Variants in CTNNA3 observed in about 807,000 individuals in gnomAD.
CTNNA3 encodes the protein catenin alpha 3, also known as catenin alpha-3.
A neutral mutation model predicts 95.7 loss-of-function variants in CTNNA3; 76 were observed. The ratio of observed to expected loss-of-function variants is 0.79; its 90% confidence interval spans 0.66 to 0.96. The LOEUF is 0.96. CTNNA3 is among the 40% of genes least tolerant of loss of function. The probability of loss-of-function intolerance (pLI) is 0.00; values close to 1 mark genes in which losing one functional copy is unlikely to be tolerated. For missense variants in CTNNA3, 1,191 were observed against 1,089.8 expected (o/e 1.09, Z -1.31); for synonymous variants, 431 against 374.4 (o/e 1.15, Z -1.74).
At chr10:66,692,799 G>A (rs1847602153) in intron 9 of CTNNA3, among the ~76,000 whole-genome samples, 1 of 152,098 alleles carries the variant, frequency 6.6e-6, no homozygotes, top group African/African-American at 2.4e-5. Flanking sequence ...GAGAGTGGGG[G>A]CCAATATTCA....
intron 5 of CTNNA3, among the ~76,000 whole-genome samples, chr10:67,237,148 A>G (rs1253231693): frequency 1.3e-5 from 1 of 76,262 alleles, no homozygotes; most frequent in Non-Finnish European, 2.5e-5. Context: ...ATATATATAT[A>G]TATATATATA....
intron 9 of CTNNA3, among the ~76,000 whole-genome samples, chr10:66,755,974 G>A (rs1839348344): frequency 6.6e-6 from 1 of 152,154 alleles, no homozygotes. Context: ...ATTCAAAGAG[G>A]TAGAGTATAT....
At chr10:66,798,100 TA>T (rs1368054220) in intron 7 of CTNNA3, among the ~76,000 whole-genome samples, 1 of 151,830 alleles carries the variant, frequency 6.6e-6, no homozygotes, top group Non-Finnish European at 1.5e-5. Flanking sequence ...GTTGGAACTT[TA>T]AAAAATTGCT....
At chr10:66,201,118 C>T (rs1455088983) in intron 13 of CTNNA3, among the ~76,000 whole-genome samples, 5 of 152,148 alleles carry the variant, frequency 3.3e-5, no homozygotes, top group Non-Finnish European at 5.9e-5. Flanking sequence ...TTCTCATTAC[C>T]TAATACATTT....
rs921753671 is a variant in CTNNA3, at chr10:67,161,257, CAA to C, written c.1047+19058_1047+19059del. 1.4e-3 allele frequency among the ~76,000 whole-genome samples: 206 copies of C among 151,780 alleles called. 3 individuals are homozygous for C. Among genetic ancestry groups the C allele is most frequent in the African/African-American group, 4.8e-3 (197 of 41,450 alleles). ...CTGAAGATCAAGAGAGAAGAAATAA[CAA>C]AAAAGTAAAAATATGAATAAAAATA... On this transcript the variant is annotated intron_variant, in intron 7 of 17. Coordinates refer to ENST00000433211, the MANE Select transcript of CTNNA3 (RefSeq NM_013266.4).
rs185035678 is a variant in CTNNA3 at position 66,028,656 on chromosome 10, G to A, written c.2160-39859C>T. On this transcript the variant is annotated intron_variant, in intron 15 of 17. Coordinates refer to ENST00000433211, the MANE Select transcript of CTNNA3 (RefSeq NM_013266.4). ...ATATACCTAATGTAAATGATGAGTT[G>A]ATGGGTGCAGCAAACCAACATGGCA... 7.8e-3 allele frequency among the ~76,000 whole-genome samples: 1,184 copies of A among 152,034 alleles called. 13 individuals carry two copies. The highest frequency in any genetic ancestry group is 0.027 in the African/African-American group (1,125 of 41,450).
At chr10:66,749,490 C>G (rs1839044898) in intron 9 of CTNNA3, among the ~76,000 whole-genome samples, 1 of 152,120 alleles carries the variant, frequency 6.6e-6, no homozygotes, top group Non-Finnish European at 1.5e-5. Flanking sequence ...TGGCTTTTTT[C>G]ACTTAGTAAC....
intron 9 of CTNNA3, among the ~76,000 whole-genome samples, chr10:66,751,515 C>T (rs1344669877): frequency 6.6e-6 from 1 of 152,098 alleles, no homozygotes; most frequent in African/African-American, 2.4e-5. Context: ...ATTTGTACTA[C>T]CTCATTGGAT....
chr10:66,869,470 G>A (rs1179293316), intron 7 of CTNNA3, among the ~76,000 whole-genome samples: 2 of 152,120 alleles, frequency 1.3e-5, no homozygotes, highest in Admixed American at 6.6e-5. Flanking sequence ...CTACTCAGGA[G>A]GCTGAGACAT....
intron 7 of CTNNA3, among the ~76,000 whole-genome samples, chr10:67,048,774 T>C (rs914295651): frequency 5.9e-5 from 9 of 152,076 alleles, no homozygotes; most frequent in African/African-American, 2.2e-4. Flanking sequence ...TGACAATAAC[T>C]GAAAATATTA....
intron 7 of CTNNA3, among the ~76,000 whole-genome samples, chr10:66,859,239 T>C (rs902718568): frequency 2.6e-5 from 4 of 151,954 alleles, no homozygotes; most frequent in African/African-American, 4.8e-5. Flanking sequence ...ACCTACAAAA[T>C]AGGAGAAAAT....
In CTNNA3 at chr10:67,077,900, T is replaced by G. The variant is rs565114162; in HGVS notation, c.1047+102417A>C. On this transcript the variant is annotated intron_variant, in intron 7 of 17. Coordinates refer to ENST00000433211, the MANE Select transcript of CTNNA3 (RefSeq NM_013266.4). ...AATCTTTTTATCTAGATTTCTAGAT[T>G]AACAGAGGAGGAAGGGAAGGGGACA... is the stretch of plus-strand genomic sequence containing the variant. Among the ~76,000 whole-genome samples, 13 of 152,268 alleles carry G rather than the reference T, an allele frequency of 8.5e-5. No homozygotes were observed. In the East Asian group the frequency reaches 9.7e-4, roughly 11 times the overall value.
At chr10:66,633,770 G>A (rs541698353) in intron 9 of CTNNA3, among the ~76,000 whole-genome samples, 1 of 152,264 alleles carries the variant, frequency 6.6e-6, no homozygotes, top group Admixed American at 6.5e-5. Flanking sequence ...AGTTATATAT[G>A]GGAGAGAAGG....
intron 5 of CTNNA3, among the ~76,000 whole-genome samples, chr10:67,481,358 T>G (rs148646608): frequency 7.2e-4 from 109 of 152,322 alleles, no homozygotes; most frequent in African/African-American, 2.5e-3. Context: ...ACTGACAATA[T>G]GATTCTGTAT....
intron 2 of CTNNA3, among the ~76,000 whole-genome samples, chr10:67,611,472 C>A (rs1464405031): frequency 6.6e-6 from 1 of 151,774 alleles, no homozygotes; most frequent in African/African-American, 2.4e-5. Flanking sequence ...TGCCACCACG[C>A]CTGGCTAATT....
intron 7 of CTNNA3, among the ~76,000 whole-genome samples, chr10:66,809,095 C>T (rs1194421026): frequency 6.6e-6 from 1 of 152,072 alleles, no homozygotes; most frequent in Non-Finnish European, 1.5e-5. Flanking sequence ...CTTGCATAAC[C>T]CTTCTTTCTT....
intron 5 of CTNNA3, among the ~76,000 whole-genome samples, chr10:67,258,639 G>A (rs1189653188): frequency 6.6e-6 from 1 of 152,106 alleles, no homozygotes; most frequent in Non-Finnish European, 1.5e-5. Flanking sequence ...TTACCCTTAA[G>A]TGATGTCTGC....
At chr10:67,493,013 T>C (rs1838903286) in intron 5 of CTNNA3, among the ~76,000 whole-genome samples, 2 of 152,202 alleles carry the variant, frequency 1.3e-5, no homozygotes, top group Admixed American at 1.3e-4. Flanking sequence ...TTCATGTTCA[T>C]TGAATGAACA....
chr10:67,042,251 C>A (rs1854440486), intron 7 of CTNNA3, among the ~76,000 whole-genome samples: 1 of 151,928 alleles, frequency 6.6e-6, no homozygotes, highest in Non-Finnish European at 1.5e-5. Context: ...AAGCCTGAAC[C>A]CAAATGGGCA....
Sources: allele counts gnomAD v4.1 joint callset (sites outside exome capture counted in the v4.1 genomes callset), GRCh38; gene constraint gnomAD v4.1.1; transcripts MANE v1.5; gene names NCBI Gene and HGNC (gene_info 2026-07-23, HGNC 2026-07-21).